The following DDX31 variants were observed in gnomAD, a reference collection of about 807,000 sequenced individuals.
The protein encoded by DDX31 is ATP-dependent DNA helicase DDX31.
In DDX31, 70 loss-of-function variants were observed where a neutral mutation model predicts 91.3. That is an observed-to-expected ratio of 0.77 (90% CI 0.63 to 0.94). DDX31 has a LOEUF of 0.94. Among genes scored for constraint, DDX31 ranks in the 40% least tolerant of loss-of-function variants. The pLI, the probability that DDX31 is intolerant of heterozygous loss-of-function variation, is 0.00. For synonymous variants in DDX31, 362 were observed against 350.6 expected, an observed-to-expected ratio of 1.03 and a Z score of -0.36; for missense variants, 902 against 925.0, an observed-to-expected ratio of 0.98 and a Z score of 0.32.
At chr9:132,653,094 AG>A (rs1476016245) in intron 6 of DDX31, among the ~76,000 whole-genome samples, 1 of 152,046 alleles carries the variant, frequency 6.6e-6, no homozygotes, top group Non-Finnish European at 1.5e-5. Flanking sequence ...AATTATTGTT[AG>A]CAGATGTTAT....
At chr9:132,658,608 G>T in intron 6 of DDX31, 63 bp downstream of exon 6, 2 of 1,423,364 alleles carry the variant, frequency 1.4e-6, no homozygotes, top group Non-Finnish European at 9.8e-7. Context: ...TTTCTGTTAT[G>T]CTTCAGTTTG....
intron 9 of DDX31, among the ~76,000 whole-genome samples, chr9:132,649,565 C>T (rs1024981597): frequency 7.2e-5 from 11 of 152,190 alleles, no homozygotes; most frequent in African/African-American, 2.7e-4. Context: ...AAAAATAAAA[C>T]TTGTATATTG....
chr9:132,616,911 AC>A (rs1413457180), intron 18 of DDX31, among the ~76,000 whole-genome samples: 1 of 152,222 alleles, frequency 6.6e-6, no homozygotes. Flanking sequence ...CAGGTCCTTG[AC>A]AATATTTGCT....
chr9:132,669,811 A>G (rs1322228402), intron 1 of DDX31, 49 bp downstream of exon 1: 16 of 1,528,464 alleles, frequency 1.0e-5, no homozygotes, highest in Non-Finnish European at 1.3e-5. Context: ...CGGCGCGCCC[A>G]CAGCCGGGCC....
chr9:132,641,234 C>T lies in DDX31; in HGVS notation c.1440+770G>A, dbSNP rs1415617320. Among the ~76,000 whole-genome samples, 4 of 152,198 alleles carry T rather than the reference C, an allele frequency of 2.6e-5. 1 individual carries two copies. The East Asian group carries it at 7.7e-4, about 29-fold the overall frequency. ...AATGTGGCCTAGATGGGCATTCAAACAGCTTAGTATCTTTGTTTCTACCCA... is the reference window on the plus strand; with the variant it reads ...AATGTGGCCTAGATGGGCATTCAAATAGCTTAGTATCTTTGTTTCTACCCA... On this transcript the variant is annotated intron_variant, in intron 14 of 19. Transcript: ENST00000372159.
intron 1 of DDX31, among the ~76,000 whole-genome samples, chr9:132,665,160 C>G (rs1449551141): frequency 6.6e-6 from 1 of 152,184 alleles, no homozygotes; most frequent in African/African-American, 2.4e-5. Flanking sequence ...CACTGTATCC[C>G]CTGTATAGGC....
rs776981548 is a variant in DDX31 at position 132,652,446 on chromosome 9, A to C, written c.633+2T>G. The C allele has an allele frequency of 5.0e-6, 8 of 1,613,904 alleles. No homozygotes were observed. In the East Asian group the frequency reaches 1.8e-4, roughly 36 times the overall value. On this transcript the variant is annotated splice_donor_variant, in intron 7 of 19. Transcript: ENST00000372159. LOFTEE classifies it high-confidence loss of function. ...ACTTGTCCCAAAAGGGAGCCTGCTT[A>C]CCTCTCTCGTTGGCACGAGCACCAG...
rs185476467 is a variant in DDX31 at position 132,600,343 on chromosome 9, C to G, written c.1995-5231G>C. On this transcript the variant is annotated intron_variant, in intron 19 of 19. Coordinates refer to ENST00000372159, the MANE Select transcript of DDX31 (RefSeq NM_022779.9). ...AACTACCAGAGCCCCAGAAGACACT[C>G]GGCTCCAGTTGAGTCCTGCTGTGGC... Among the ~76,000 whole-genome samples the G allele has an allele frequency of 5.3e-5, 8 of 152,048 alleles. 1 individual carries two copies. The East Asian group carries it at 1.6e-3, about 30-fold the overall frequency.
At position 132,625,728 on chromosome 9, in the gene DDX31, A is replaced by T. The variant is rs1342389721; in HGVS notation, c.1649T>A (p.Met550Lys). ...SHKINVSEIK[M>K]EDILCVLTRD... Reference sequence around the variant, plus strand: ...TGTCAGAACACACAAAATATCTTCCATCTTAATCTCAGAAACGCTGTAAAA... The same window carrying T: ...TGTCAGAACACACAAAATATCTTCCTTCTTAATCTCAGAAACGCTGTAAAA... Residue 550 changes from methionine (M) to lysine (K), a missense_variant, in exon 17 of 20, where the codon ATG becomes AAG. Coordinates refer to ENST00000372159, the MANE Select transcript of DDX31 (RefSeq NM_022779.9). The T allele has an allele frequency of 1.2e-6, 2 of 1,613,694 alleles. No homozygotes were observed. The highest frequency in any genetic ancestry group is 1.7e-6 in the Non-Finnish European group (2 of 1,179,900).
At chr9:132,651,020 A>G in intron 8 of DDX31, 55 bp downstream of exon 8, 1 of 1,488,182 alleles carries the variant, frequency 6.7e-7, no homozygotes, top group Non-Finnish European at 9.3e-7. Context: ...TAGTATATTA[A>G]ATCCTTCCTC....
intron 4 of DDX31, chr9:132,661,005 G>A (rs1834900582): frequency 6.9e-6 from 4 of 583,544 alleles, no homozygotes; most frequent in Middle Eastern, 4.2e-4. Context: ...AGAGCCAAGG[G>A]CAGAACTGGA....
At chr9:132,661,466 A>G (rs1017192810) in intron 3 of DDX31, among the ~76,000 whole-genome samples, 2 of 152,096 alleles carry the variant, frequency 1.3e-5, no homozygotes, top group East Asian at 3.9e-4. Context: ...TGTGCTTGTT[A>G]TAACCAGGGG....
chr9:132,607,668 A>G (rs1831099194), intron 19 of DDX31, among the ~76,000 whole-genome samples: 1 of 152,170 alleles, frequency 6.6e-6, no homozygotes, highest in Non-Finnish European at 1.5e-5. Flanking sequence ...AGATCTTTAA[A>G]CATTTTTAAA....
At chr9:132,637,034 C>G (rs1330324511) in intron 14 of DDX31, among the ~76,000 whole-genome samples, 1 of 152,174 alleles carries the variant, frequency 6.6e-6, no homozygotes, top group Non-Finnish European at 1.5e-5. Context: ...TTCTGAGACT[C>G]TGTAAATCTC....
rs554734018 is a variant in DDX31, at chr9:132,609,615, T to G, written c.1994+2472A>C. Among the ~76,000 whole-genome samples, 25 of 152,190 alleles carry G rather than the reference T, an allele frequency of 1.6e-4. 1 individual carries two copies. In the East Asian group the frequency reaches 3.5e-3, roughly 21 times the overall value. Reference sequence around the variant, plus strand: ...TCAGGGATCGGAATAAACAAAGATGTGTGTTTCTTTTTTTTTTCTTCTTTG... The same window carrying G: ...TCAGGGATCGGAATAAACAAAGATGGGTGTTTCTTTTTTTTTTCTTCTTTG... On this transcript the variant is annotated intron_variant, in intron 19 of 19. Transcript: ENST00000372159.
intron 13 of DDX31, 115 bp downstream of exon 13, chr9:132,645,780 G>A: frequency 8.4e-7 from 1 of 1,185,894 alleles, no homozygotes; most frequent in Non-Finnish European, 1.2e-6. Context: ...CCAGTGGAGT[G>A]TGCAAGGGTC....
At chr9:132,634,246 C>T (rs953909859) in intron 14 of DDX31, among the ~76,000 whole-genome samples, 1 of 152,072 alleles carries the variant, frequency 6.6e-6, no homozygotes, top group African/African-American at 2.4e-5. Flanking sequence ...AAATTTAAAC[C>T]TACAGAAAAG....
At position 132,631,730 on chromosome 9, in the gene DDX31, C is replaced by T. The variant is rs559436907; in HGVS notation, c.1491+311G>A. 5.4e-4 allele frequency among the ~76,000 whole-genome samples: 82 copies of T among 152,292 alleles called. No individual in the cohort carries two copies. In the South Asian group the frequency reaches 0.016, roughly 30 times the overall value. On this transcript the variant is annotated intron_variant, in intron 15 of 19. Transcript: ENST00000372159. ...TCCTTCTGGACACAATGAGGCCTCC[C>T]AGGGACCGAGGTAATTCCCATTATT...
chr9:132,614,160 G>A (rs899004457), intron 18 of DDX31, among the ~76,000 whole-genome samples: 1 of 152,124 alleles, frequency 6.6e-6, no homozygotes, highest in Non-Finnish European at 1.5e-5. Flanking sequence ...CATTTTAGCA[G>A]ATCAGCTCCT....
Sources: allele counts gnomAD v4.1 joint callset (sites outside exome capture counted in the v4.1 genomes callset), GRCh38; gene constraint gnomAD v4.1.1; transcripts MANE v1.5; gene names NCBI Gene and HGNC (gene_info 2026-07-23, HGNC 2026-07-21).